Variants in MECOM observed in about 807,000 individuals in gnomAD.
MECOM encodes MDS1 and EVI1 complex locus, also known as histone-lysine N-methyltransferase MECOM.
A neutral mutation model predicts 116.3 loss-of-function variants in MECOM; 13 were observed. That is an observed-to-expected ratio of 0.11 (90% CI 0.07 to 0.18). MECOM has a LOEUF of 0.18. MECOM is among the 10% of genes least tolerant of loss of function. The pLI is 1.00. For synonymous variants in MECOM, 528 were observed against 535.2 expected, an observed-to-expected ratio of 0.99 and a Z score of 0.19; for missense variants, 1,299 against 1,509.0, an observed-to-expected ratio of 0.86 and a Z score of 2.31.
At chr3:169,619,203 T>A (rs1328654439) in intron 1 of MECOM, among the ~76,000 whole-genome samples, 1 of 152,176 alleles carries the variant, frequency 6.6e-6, no homozygotes, top group Admixed American at 6.5e-5. Flanking sequence ...CAGCCCTCAC[T>A]CCGGGTGCAC....
At chr3:169,401,392 C>T (rs372351572) in intron 1 of MECOM, among the ~76,000 whole-genome samples, 2 of 148,882 alleles carry the variant, frequency 1.3e-5, no homozygotes, top group East Asian at 4.2e-4. Flanking sequence ...GACCATTAAT[C>T]GTTTATTCAT....
intron 1 of MECOM, among the ~76,000 whole-genome samples, chr3:169,504,773 C>A (rs2108995213): frequency 6.6e-6 from 1 of 152,222 alleles, no homozygotes; most frequent in Admixed American, 6.5e-5. Flanking sequence ...TATCCAGAAA[C>A]CAGGGGGTTC....
At chr3:169,354,792 C>A (rs570461758) in intron 2 of MECOM, among the ~76,000 whole-genome samples, 63 of 151,932 alleles carry the variant, frequency 4.1e-4, no homozygotes, top group African/African-American at 1.4e-3. Context: ...TTTTTCCCCC[C>A]CTTCCTGAGC....
At chr3:169,444,933 T>C (rs1560282913) in intron 1 of MECOM, among the ~76,000 whole-genome samples, 1 of 152,156 alleles carries the variant, frequency 6.6e-6, no homozygotes, top group Admixed American at 6.5e-5. Flanking sequence ...CTGGAGGCAT[T>C]TTGCCCCTGC....
intron 1 of MECOM, among the ~76,000 whole-genome samples, chr3:169,576,828 CACACACACACAGAG>C (rs1180538625): frequency 1.7e-4 from 20 of 116,532 alleles, no homozygotes; most frequent in East Asian, 1.5e-3. Context: ...CACACACACA[CACACACACACAGAG>C]AGAGAGAGAG....
chr3:169,146,151 A>C, intron 2 of MECOM: 1 of 942,632 alleles, frequency 1.1e-6, no homozygotes, highest in African/African-American at 1.7e-5. Flanking sequence ...CTTAAAAAAA[A>C]ACCGTTTAGG....
At chr3:169,247,039 C>G (rs908404731) in intron 2 of MECOM, among the ~76,000 whole-genome samples, 1 of 152,050 alleles carries the variant, frequency 6.6e-6, no homozygotes, top group Non-Finnish European at 1.5e-5. Context: ...ACCATTTTTA[C>G]ATATTAGTAA....
chr3:169,434,002 C>T (rs950782375), intron 1 of MECOM, among the ~76,000 whole-genome samples: 29 of 152,078 alleles, frequency 1.9e-4, no homozygotes, highest in Admixed American at 6.6e-5. Flanking sequence ...GCAGAAATTG[C>T]CTCTTTAATT....
intron 1 of MECOM, among the ~76,000 whole-genome samples, chr3:169,594,348 T>A (rs1424040867): frequency 6.6e-6 from 1 of 152,026 alleles, no homozygotes; most frequent in Non-Finnish European, 1.5e-5. Context: ...TCTTCTAATT[T>A]TTTTTCTTTT....
intron 2 of MECOM, among the ~76,000 whole-genome samples, chr3:169,358,510 A>G (rs1175028059): frequency 6.6e-6 from 1 of 150,500 alleles, no homozygotes; most frequent in Non-Finnish European, 1.5e-5. Flanking sequence ...CAAGAACTGT[A>G]TGCCTTCTTT....
intron 1 of MECOM, among the ~76,000 whole-genome samples, chr3:169,661,035 G>T (rs1776213211): frequency 6.6e-6 from 1 of 152,198 alleles, no homozygotes; most frequent in Admixed American, 6.5e-5. Context: ...TGAATGACAA[G>T]TATCATCAGA....
At chr3:169,463,577 T>C (rs1464243254) in intron 1 of MECOM, among the ~76,000 whole-genome samples, 1 of 152,100 alleles carries the variant, frequency 6.6e-6, no homozygotes, top group Non-Finnish European at 1.5e-5. Context: ...AATAAGAAAA[T>C]TATTATATTT....
chr3:169,316,629 C>T (rs1719788985), intron 2 of MECOM, among the ~76,000 whole-genome samples: 1 of 152,122 alleles, frequency 6.6e-6, no homozygotes, highest in Non-Finnish European at 1.5e-5. Context: ...TGGCTCATGG[C>T]AGCCTCGACC....
At chr3:169,479,058 T>C (rs976538939) in intron 1 of MECOM, among the ~76,000 whole-genome samples, 2 of 152,206 alleles carry the variant, frequency 1.3e-5, no homozygotes, top group African/African-American at 4.8e-5. Context: ...CAGACAAACA[T>C]AATCCCTGTC....
chr3:169,197,344 A>AAATAAATAAAT (rs1453180102), intron 2 of MECOM, among the ~76,000 whole-genome samples: 2 of 6,846 alleles, frequency 2.9e-4, no homozygotes, highest in African/African-American at 1.7e-3. Flanking sequence ...ATAAATAAAT[A>AAATAAATAAAT]AAATAAAATA....
intron 1 of MECOM, among the ~76,000 whole-genome samples, chr3:169,510,356 C>CT (rs1755827435): frequency 6.6e-6 from 1 of 152,194 alleles, no homozygotes; most frequent in Non-Finnish European, 1.5e-5. Flanking sequence ...AGCCTCTTTG[C>CT]TTTTTTCTCA....
At chr3:169,658,646 TC>T (rs1432723516) in intron 1 of MECOM, among the ~76,000 whole-genome samples, 1 of 151,972 alleles carries the variant, frequency 6.6e-6, no homozygotes. Flanking sequence ...AGAAACTGCC[TC>T]CCACCTCACT....
intron 2 of MECOM, among the ~76,000 whole-genome samples, chr3:169,286,718 G>A (rs899941862): frequency 2.0e-5 from 3 of 151,908 alleles, no homozygotes; most frequent in African/African-American, 7.3e-5. Context: ...TAGGAGTCAG[G>A]GTGTACAATT....
Position 169,603,641 on chromosome 3 carries a change from T to C in MECOM, c.37+59695A>G, listed in dbSNP as rs76507389. Among the ~76,000 whole-genome samples the C allele has an allele frequency of 0.027, 4,156 of 152,322 alleles. 265 individuals are homozygous for C. In the East Asian group the frequency reaches 0.28, roughly 10 times the overall value. ...TTTTTCTTTTACACTGTATTTTTAC[T>C]ATACATTTTCTATGTTATGCAATTG... On this transcript the variant is annotated intron_variant, in intron 1 of 16. Transcript: ENST00000651503.
Sources: allele counts gnomAD v4.1 joint callset (sites outside exome capture counted in the v4.1 genomes callset), GRCh38; gene constraint gnomAD v4.1.1; transcripts MANE v1.5; gene names NCBI Gene and HGNC (gene_info 2026-07-23, HGNC 2026-07-21).